The following DACH1 variants were observed in gnomAD, a reference collection of about 807,000 sequenced individuals.
DACH1 encodes dachshund family transcription factor 1.
Under a neutral mutation model 54.2 loss-of-function variants are expected in DACH1, and 12 were observed. That is an observed-to-expected ratio of 0.22 (90% confidence interval 0.14 to 0.36). DACH1 has a LOEUF of 0.36. Among genes scored for constraint, DACH1 ranks in the 10% least tolerant of loss-of-function variants. The pLI is 1.00. For synonymous variants in DACH1, 386 were observed against 366.2 expected (o/e 1.05, Z -0.62); for missense variants, 805 against 929.8 (o/e 0.87, Z 1.75).
At chr13:71,487,729 T>C (rs566469591) in intron 7 of DACH1, among the ~76,000 whole-genome samples, 11 of 152,340 alleles carry the variant, frequency 7.2e-5, no homozygotes, top group African/African-American at 2.4e-4. Flanking sequence ...TTGCTTCATA[T>C]TGAGTTTTAT....
At chr13:71,728,567 G>A (rs1883589186) in intron 1 of DACH1, among the ~76,000 whole-genome samples, 1 of 151,952 alleles carries the variant, frequency 6.6e-6, no homozygotes, top group Non-Finnish European at 1.5e-5. Context: ...TAACATAGGA[G>A]AAATAAATGA....
At position 71,470,196 on chromosome 13, in the gene DACH1, C is replaced by T. The variant is rs142815228; in HGVS notation, c.2083+4945G>A. ...AAGTATTTATAGAATCCAAATCTTACGTCAAATGTGAAAAGAAGAAAATAA... is the reference window on the plus strand; with the variant it reads ...AAGTATTTATAGAATCCAAATCTTATGTCAAATGTGAAAAGAAGAAAATAA... On this transcript the variant is annotated intron_variant, in intron 10 of 10. Transcript: ENST00000613252. 4.7e-4 allele frequency among the ~76,000 whole-genome samples: 71 copies of T among 152,098 alleles called. No homozygotes were observed. In the East Asian group the frequency reaches 0.011, roughly 23 times the overall value.
chr13:71,860,903 A>G (rs1286256787), intron 1 of DACH1, among the ~76,000 whole-genome samples: 2 of 152,044 alleles, frequency 1.3e-5, no homozygotes, highest in East Asian at 1.9e-4. Context: ...TACTCTAAAA[A>G]CAAAACATCA....
chr13:71,496,898 G>A, intron 6 of DACH1, among the ~76,000 whole-genome samples: 1 of 152,048 alleles, frequency 6.6e-6, no homozygotes, highest in African/African-American at 2.4e-5. Flanking sequence ...TTTACTTAAT[G>A]CCCATTCTTC....
intron 6 of DACH1, among the ~76,000 whole-genome samples, chr13:71,510,574 G>A (rs1257844748): frequency 6.6e-6 from 1 of 151,900 alleles, no homozygotes; most frequent in African/African-American, 2.4e-5. Context: ...ATCCAAATTT[G>A]TGTGCAACTA....
chr13:71,588,672 A>G (rs1873454605), intron 3 of DACH1, among the ~76,000 whole-genome samples: 1 of 152,128 alleles, frequency 6.6e-6, no homozygotes, highest in Non-Finnish European at 1.5e-5. Context: ...TTTGTAAAAA[A>G]CAACACAAAA....
At chr13:71,863,889 GA>G (rs1293641020) in intron 1 of DACH1, among the ~76,000 whole-genome samples, 1 of 148,934 alleles carries the variant, frequency 6.7e-6, no homozygotes, top group Non-Finnish European at 1.5e-5. Flanking sequence ...GATTATTAAA[GA>G]GAAAAAAAAA....
intron 6 of DACH1, among the ~76,000 whole-genome samples, chr13:71,530,869 T>C (rs1386603153): frequency 6.6e-6 from 1 of 152,172 alleles, no homozygotes; most frequent in African/African-American, 2.4e-5. Flanking sequence ...TTTATTCCAT[T>C]TTATTTCCTT....
intron 1 of DACH1, among the ~76,000 whole-genome samples, chr13:71,726,321 T>C (rs1047820105): frequency 6.6e-6 from 1 of 152,160 alleles, no homozygotes; most frequent in Non-Finnish European, 1.5e-5. Context: ...TACTTCCATG[T>C]CTGAGATTTA....
intron 3 of DACH1, among the ~76,000 whole-genome samples, chr13:71,618,101 G>GGCAA (rs1342092330): frequency 9.9e-5 from 15 of 151,878 alleles, no homozygotes; most frequent in Non-Finnish European, 2.2e-4. Context: ...GGTTTGGAAG[G>GGCAA]GCAAGGAGGA....
chr13:71,485,575 C>CTTTTTTTTTTTTTTTTT (rs68024614), intron 7 of DACH1, among the ~76,000 whole-genome samples: 1 of 46,148 alleles, frequency 2.2e-5, no homozygotes, highest in Non-Finnish European at 3.9e-5. Flanking sequence ...TTCTTTTCTT[C>CTTTTTTTTTTTTTTTTT]TTTTTTTTTT....
At chr13:71,523,223 C>T (rs993245312) in intron 6 of DACH1, among the ~76,000 whole-genome samples, 5 of 152,108 alleles carry the variant, frequency 3.3e-5, no homozygotes, top group African/African-American at 9.7e-5. Context: ...TGATAATAGG[C>T]TCTGAAAATA....
intron 10 of DACH1, among the ~76,000 whole-genome samples, chr13:71,459,575 T>G (rs1339043197): frequency 6.6e-6 from 1 of 151,970 alleles, no homozygotes; most frequent in Non-Finnish European, 1.5e-5. Flanking sequence ...GACCTTCAGA[T>G]AGTGGTATAC....
At chr13:71,645,787 G>A (rs1878222241) in intron 2 of DACH1, among the ~76,000 whole-genome samples, 1 of 152,156 alleles carries the variant, frequency 6.6e-6, no homozygotes, top group South Asian at 2.1e-4. Flanking sequence ...ACCACCAGGA[G>A]CTTTTGTTGG....
chr13:71,605,709 A>G (rs1043179046), intron 3 of DACH1, among the ~76,000 whole-genome samples: 1 of 151,992 alleles, frequency 6.6e-6, no homozygotes, highest in Non-Finnish European at 1.5e-5. Flanking sequence ...TTCCTCTTCA[A>G]TAAGTCTTAC....
intron 2 of DACH1, among the ~76,000 whole-genome samples, chr13:71,665,187 A>G (rs1310677712): frequency 6.6e-6 from 1 of 152,006 alleles, no homozygotes; most frequent in South Asian, 2.1e-4. Flanking sequence ...GTCTATTAGT[A>G]CTGCATTATT....
intron 1 of DACH1, among the ~76,000 whole-genome samples, chr13:71,682,155 A>G (rs757975621): frequency 6.6e-6 from 1 of 152,212 alleles, no homozygotes; most frequent in Non-Finnish European, 1.5e-5. Context: ...TCTTCATATT[A>G]ATATCTATAC....
intron 1 of DACH1, among the ~76,000 whole-genome samples, chr13:71,769,563 A>G (rs1386755130): frequency 6.6e-6 from 1 of 151,618 alleles, no homozygotes; most frequent in African/African-American, 2.4e-5. Context: ...CACTTTTCTG[A>G]AAAATAGTAG....
intron 2 of DACH1, among the ~76,000 whole-genome samples, chr13:71,676,785 G>A (rs997684453): frequency 1.3e-5 from 2 of 152,044 alleles, no homozygotes; most frequent in Admixed American, 6.5e-5. Context: ...TTTCCAAAAC[G>A]ATAAATTTGC....
Sources: allele counts gnomAD v4.1 joint callset (sites outside exome capture counted in the v4.1 genomes callset), GRCh38; gene constraint gnomAD v4.1.1; transcripts MANE v1.5; gene names NCBI Gene and HGNC (gene_info 2026-07-23, HGNC 2026-07-21).